The following ATP8B4 variants were observed in gnomAD, a reference collection of about 807,000 sequenced individuals.
ATP8B4 encodes the protein probable phospholipid-transporting ATPase IM.
In ATP8B4, 133 loss-of-function variants were observed where a neutral mutation model predicts 145.6. The observed-to-expected ratio is 0.91, with a 90% CI of 0.79 to 1.05. The LOEUF is 1.05. ATP8B4 is among the 50% of genes least tolerant of loss of function. The pLI is 0.00. For missense variants in ATP8B4, 1,458 were observed against 1,425.2 expected (o/e 1.02, Z -0.37); for synonymous variants, 507 against 492.9 (o/e 1.03, Z -0.38).
intron 8 of ATP8B4, among the ~76,000 whole-genome samples, chr15:49,997,125 C>T (rs2047496402): frequency 6.6e-6 from 1 of 152,088 alleles, no homozygotes; most frequent in African/African-American, 2.4e-5. Flanking sequence ...TAATATCACT[C>T]CAGAGTCTAC....
At chr15:50,062,937 T>C (rs1426654247) in intron 3 of ATP8B4, among the ~76,000 whole-genome samples, 3 of 152,168 alleles carry the variant, frequency 2.0e-5, no homozygotes, top group African/African-American at 7.2e-5. Flanking sequence ...TACAAGAGTC[T>C]TTGAAATATC....
At chr15:50,064,611 C>T (rs1318545991) in intron 3 of ATP8B4, among the ~76,000 whole-genome samples, 1 of 152,090 alleles carries the variant, frequency 6.6e-6, no homozygotes, top group South Asian at 2.1e-4. Context: ...GCCTAAGTAG[C>T]TTACTTTTGT....
At chr15:49,980,993 A>T (rs2046103446) in intron 11 of ATP8B4, among the ~76,000 whole-genome samples, 1 of 152,238 alleles carries the variant, frequency 6.6e-6, no homozygotes, top group African/African-American at 2.4e-5. Flanking sequence ...ACCTCCATAA[A>T]CACTAACCTA....
intron 1 of ATP8B4, among the ~76,000 whole-genome samples, chr15:50,158,646 G>T (rs1165112009): frequency 6.6e-6 from 1 of 152,280 alleles, no homozygotes. Context: ...GACAATGGCG[G>T]TTTTGTGGAA....
At chr15:50,030,451 TG>T (rs1490624717) in intron 6 of ATP8B4, among the ~76,000 whole-genome samples, 1 of 152,082 alleles carries the variant, frequency 6.6e-6, no homozygotes, top group Non-Finnish European at 1.5e-5. Flanking sequence ...GAGATCAATT[TG>T]AGGGGCCCCA....
chr15:50,087,117 T>A (rs552965496), intron 2 of ATP8B4, among the ~76,000 whole-genome samples: 1,500 of 125,276 alleles, frequency 0.012, 58 homozygotes, highest in African/African-American at 0.046. Flanking sequence ...TTATATTTAT[T>A]ATATATAATA....
rs556148056 is a variant in ATP8B4 at position 49,997,721 on chromosome 15, T to C, written c.507-962A>G. ...AGCAGGTACCTAAGAAGGCATCCAA[T>C]CTTAACCTTCCGTAAATGAATTTCA... On this transcript the variant is annotated intron_variant, in intron 8 of 27. Transcript: ENST00000284509. 4.6e-5 allele frequency among the ~76,000 whole-genome samples: 7 copies of C among 152,234 alleles called. No homozygotes were observed. The East Asian group carries it at 5.8e-4, about 13-fold the overall frequency.
intron 20 of ATP8B4, among the ~76,000 whole-genome samples, chr15:49,914,450 C>G (rs2039532081): frequency 6.6e-6 from 1 of 152,076 alleles, no homozygotes; most frequent in African/African-American, 2.4e-5. Flanking sequence ...ACCTCAAAAG[C>G]ACAGGCAACA....
At chr15:49,985,422 C>T (rs8027524) in intron 10 of ATP8B4, among the ~76,000 whole-genome samples, 55,269 of 152,014 alleles carry the variant, frequency 0.36, 10,751 homozygotes, top group African/African-American at 0.51. Context: ...CCTAGGTGTT[C>T]ACCTGGAACT....
At chr15:49,958,100 A>C (rs1345029416) in intron 14 of ATP8B4, among the ~76,000 whole-genome samples, 1 of 151,580 alleles carries the variant, frequency 6.6e-6, no homozygotes, top group East Asian at 1.9e-4. Flanking sequence ...GGAGAAAAAA[A>C]CCCTTACCAT....
At chr15:50,005,840 T>C (rs1349191324) in intron 7 of ATP8B4, among the ~76,000 whole-genome samples, 1 of 152,174 alleles carries the variant, frequency 6.6e-6, no homozygotes, top group East Asian at 1.9e-4. Flanking sequence ...AAAACTACAA[T>C]GGTGAAAGAA....
Position 49,972,701 on chromosome 15 carries a change from C to A in ATP8B4, c.1124G>T (p.Arg375Leu). ...YSRKAIPAVARTTTLNEELGQ... is the reference protein window; with the variant it reads ...YSRKAIPAVALTTTLNEELGQ... Reference sequence around the variant, plus strand: ...CAGTTCCTCATTGAGCGTGGTCGTTCGAGCCACTGCAGGTATTGCTTTTCG... The same window carrying A: ...CAGTTCCTCATTGAGCGTGGTCGTTAGAGCCACTGCAGGTATTGCTTTTCG... The change falls in exon 13 of 28, where the codon CGA becomes CTA. Residue 375 changes from arginine (R) to leucine (L), a missense_variant. Transcript: ENST00000284509. The A allele has an allele frequency of 1.2e-6, 2 of 1,613,026 alleles. No homozygotes were observed. The highest frequency in any genetic ancestry group is 1.1e-5 in the South Asian group (1 of 91,044).
chr15:49,955,619 C>A (rs576795630), intron 14 of ATP8B4, among the ~76,000 whole-genome samples: 41 of 152,188 alleles, frequency 2.7e-4, no homozygotes, highest in African/African-American at 9.9e-4. Flanking sequence ...GTGGAAGCAA[C>A]CTAAATGTCC....
chr15:49,906,854 G>A (rs1468996704), intron 20 of ATP8B4, among the ~76,000 whole-genome samples: 1 of 152,172 alleles, frequency 6.6e-6, no homozygotes, highest in African/African-American at 2.4e-5. Flanking sequence ...AAACTGATAA[G>A]TGATGGCTAA....
chr15:50,090,570 A>G (rs1209740250), intron 2 of ATP8B4, among the ~76,000 whole-genome samples: 1 of 152,134 alleles, frequency 6.6e-6, no homozygotes, highest in Non-Finnish European at 1.5e-5. Flanking sequence ...AGCAAGCCCC[A>G]CCAGATACTG....
At chr15:49,864,304 C>T (rs2032398893) in intron 26 of ATP8B4, among the ~76,000 whole-genome samples, 1 of 152,152 alleles carries the variant, frequency 6.6e-6, no homozygotes, top group Admixed American at 6.5e-5. Context: ...GGATTTGTAA[C>T]CTTACTAACC....
intron 2 of ATP8B4, among the ~76,000 whole-genome samples, chr15:50,086,507 AT>A (rs1241193588): frequency 2.6e-5 from 2 of 78,072 alleles, no homozygotes; most frequent in African/African-American, 1.5e-4. Flanking sequence ...ATTTAATTAT[AT>A]ATAATAAATA....
At chr15:49,893,587 G>C (rs1299238895) in intron 23 of ATP8B4, among the ~76,000 whole-genome samples, 1 of 152,272 alleles carries the variant, frequency 6.6e-6, no homozygotes, top group South Asian at 2.1e-4. Flanking sequence ...TTTATATGAG[G>C]TATCTAAAGT....
intron 23 of ATP8B4, among the ~76,000 whole-genome samples, chr15:49,882,468 C>T (rs1409962675): frequency 1.3e-5 from 2 of 152,088 alleles, no homozygotes; most frequent in African/African-American, 4.8e-5. Context: ...ATAATAGTCC[C>T]CAAACAAAAA....
Sources: gnomAD v4.1 joint callset for allele counts (sites outside exome capture counted in the v4.1 genomes callset) on GRCh38, gnomAD v4.1.1 for gene constraint, MANE v1.5 for transcripts, NCBI Gene and HGNC (gene_info 2026-07-23, HGNC 2026-07-21) for gene names.